MATR3: variants seen among roughly 807,000 people sequenced by gnomAD.
The protein encoded by MATR3 is matrin 3.
MATR3 carries 4 observed loss-of-function variants against 85.5 expected under a neutral mutation model. That is an observed-to-expected ratio of 0.05 (90% CI 0.02 to 0.11). MATR3 has a LOEUF of 0.11. Ranked by LOEUF, MATR3 falls within the 10% of genes least tolerant of loss-of-function variation. The pLI, the probability that MATR3 is intolerant of heterozygous loss-of-function variation, is 1.00. For missense variants in MATR3, 685 were observed against 1,016.1 expected (o/e 0.67, Z 4.43); for synonymous variants, 336 against 343.1 (o/e 0.98, Z 0.23).
intron 2 of MATR3, among the ~76,000 whole-genome samples, chr5:139,309,513 G>A (rs1485982871): frequency 6.6e-6 from 1 of 151,958 alleles, no homozygotes; most frequent in African/African-American, 2.4e-5. Context: ...TTCTGTTAAA[G>A]AGTATTACCA....
upstream of MATR3, among the ~76,000 whole-genome samples, chr5:139,290,470 A>G (rs11748667): frequency 0.74 from 54,255 of 73,338 alleles, 18,273 homozygotes; most frequent in Non-Finnish European, 0.79. Context: ...TTTTTTTAAC[A>G]GGGTCCTGCT....
chr5:139,321,677 G>C (rs1332876779), intron 9 of MATR3: 3 of 555,114 alleles, frequency 5.4e-6, no homozygotes, highest in Middle Eastern at 4.9e-4. Flanking sequence ...CTAGCTACTG[G>C]GGGGCTAAGG....
chr5:139,307,430 C>G lies in MATR3; in HGVS notation c.15C>G (p.Phe5Leu). 6.2e-7 allele frequency: 1 copy of G among 1,613,846 alleles called. No individual in the cohort carries two copies. Among genetic ancestry groups the G allele is most frequent in the Non-Finnish European group, 8.5e-7 (1 of 1,179,916 alleles). MSKS[F>L]QQSSLSRDSQ... Reference sequence around the variant, plus strand: ...CTAGTTCTACAATGTCCAAGTCATTCCAGCAGTCATCTCTCAGTAGGGACT... The same window carrying G: ...CTAGTTCTACAATGTCCAAGTCATTGCAGCAGTCATCTCTCAGTAGGGACT... Residue 5 changes from phenylalanine (F) to leucine (L), a missense_variant, in exon 2 of 15, where the codon TTC becomes TTG. By Grantham distance (22) the Phe-to-Leu change is conservative (BLOSUM62 0). This residue lies in a region of MATR3 where 30 missense variants were observed against 69.5 expected (regional missense o/e 0.43). Coordinates refer to ENST00000394805, the MANE Select transcript of MATR3 (RefSeq NM_018834.6). This position sits in a 1 kb window ranked among gnomAD's most constrained non-coding sequence, Gnocchi z 4.4.
Position 139,307,742 on chromosome 5 carries a change from T to A in MATR3, c.327T>A (p.Ser109Arg), listed in dbSNP as rs1486642633. 6.2e-7 allele frequency: 1 copy of A among 1,614,136 alleles called. No homozygotes were observed. The highest frequency in any genetic ancestry group is 1.1e-5 in the South Asian group (1 of 91,078). ...ACCGTGGAGATGCAGACCAGGCCAG[T>A]AACATTTTGGCCAGCTTTGGTCTGT... is the stretch of plus-strand genomic sequence containing the variant. ...SQHRGDADQA[S>R]NILASFGLSA... The change falls in exon 2 of 15, where the codon AGT (serine) becomes AGA (arginine). Residue 109 changes from serine to arginine, a missense_variant. This residue lies in a region of MATR3 where 57 missense variants were observed against 68.6 expected (regional missense o/e 0.83). Transcript: ENST00000394805. This position sits in a 1 kb window ranked among gnomAD's most constrained non-coding sequence, Gnocchi z 4.4.
intron 8 of MATR3, 85 bp downstream of exon 8, chr5:139,319,118 A>G: frequency 6.8e-7 from 1 of 1,475,110 alleles, no homozygotes; most frequent in East Asian, 2.4e-5. Flanking sequence ...AATTATTGCT[A>G]AGGCCAGGTG....
rs1185798723 is a variant in MATR3 at position 139,331,146 on chromosome 5, T to C, written c.*1751T>C. The C allele has an allele frequency of 2.2e-6, 1 of 454,136 alleles. No homozygotes were observed. The highest frequency in any genetic ancestry group is 2.3e-5 in the Admixed American group (1 of 42,580). The allele number at this position is 454,136 out of a possible 1,614,324, so 28.1% of individuals were successfully genotyped here. On this transcript the variant is annotated 3_prime_UTR_variant, in exon 15 of 15. Coordinates refer to ENST00000394805, the MANE Select transcript of MATR3 (RefSeq NM_018834.6). The stretch of plus-strand genomic sequence containing the variant: ...TACAAAAACAGGATAGGCATTGTCT[T>C]TCAAATGTTCAGACCCCAGTTTATT...
upstream of MATR3, among the ~76,000 whole-genome samples, chr5:139,292,669 C>G (rs1035179564): frequency 6.6e-6 from 1 of 152,204 alleles, no homozygotes; most frequent in Non-Finnish European, 1.5e-5. Context: ...GCACAGAATT[C>G]CTGATTTTAA....
At chr5:139,301,430 C>T (rs540022315) in intron 1 of MATR3, among the ~76,000 whole-genome samples, 13 of 152,210 alleles carry the variant, frequency 8.5e-5, no homozygotes, top group South Asian at 4.2e-4. Context: ...AGAGATTCTC[C>T]TGCCTCAGCC....
intron 1 of MATR3, among the ~76,000 whole-genome samples, chr5:139,296,511 A>C (rs1754160848): frequency 6.6e-6 from 1 of 152,218 alleles, no homozygotes; most frequent in African/African-American, 2.4e-5. Context: ...AAAATGAAAA[A>C]CATATTTTGT....
At chr5:139,289,677 CT>C (rs1753811659), upstream of MATR3, among the ~76,000 whole-genome samples, 1 of 152,234 alleles carries the variant, frequency 6.6e-6, no homozygotes, top group South Asian at 2.1e-4. Flanking sequence ...ATTATCCCAT[CT>C]CCTTGTCTTT....
intron 3 of MATR3, among the ~76,000 whole-genome samples, chr5:139,285,804 C>T (rs899744104): frequency 2.0e-5 from 3 of 152,022 alleles, no homozygotes; most frequent in Admixed American, 6.5e-5. Context: ...ATTCCACAGA[C>T]GTTTCAACAA....
At position 139,274,423 on chromosome 5, in the gene MATR3, T is replaced by C. The variant is rs1426623171; in HGVS notation, c.-287+262T>C. ...TCTCCCAGGGCCAGAGGCAGGGACT[T>C]TGGAAGGTTTGTGAGGAACAAATGT... On this transcript the variant is annotated intron_variant, in intron 1 of 16. Coordinates refer to ENST00000509990, the Ensembl canonical transcript of MATR3. 6 of 230,174 alleles carry C rather than the reference T, an allele frequency of 2.6e-5. No individual in the cohort carries two copies. In the East Asian group the frequency reaches 6.1e-4, roughly 23 times the overall value. 14.3% of individuals were successfully genotyped at this position (230,174 alleles called of 1,614,324 possible).
chr5:139,313,907 G>GT (rs984362666), intron 2 of MATR3: 24 of 142,668 alleles, frequency 1.7e-4, no homozygotes, highest in African/African-American at 5.9e-4. Flanking sequence ...TTTAGTTTTT[G>GT]TTTTTGTTTT....
rs751053269 is a variant in MATR3, at chr5:139,308,285, C to T, written c.870C>T (p.Pro290=). The T allele has an allele frequency of 6.2e-7, 1 of 1,614,058 alleles. No individual in the cohort carries two copies. Among genetic ancestry groups the T allele is most frequent in the Admixed American group, 1.7e-5 (1 of 60,000 alleles). ...DFHGLLPKGY[P]HLCSICDLPV... ...ATGGACTCTTACCGAAGGGTTATCCCCATCTGTGCTCTATATGTGATTTGC... is the reference window on the plus strand; with the variant it reads ...ATGGACTCTTACCGAAGGGTTATCCTCATCTGTGCTCTATATGTGATTTGC... The change falls in exon 2 of 15, where the codon CCC becomes CCT. Residue 290 remains proline, a synonymous_variant. Coordinates refer to ENST00000394805, the MANE Select transcript of MATR3 (RefSeq NM_018834.6).
At chr5:139,328,128 C>G (rs1453798774) in intron 14 of MATR3, among the ~76,000 whole-genome samples, 2 of 151,366 alleles carry the variant, frequency 1.3e-5, no homozygotes, top group Non-Finnish European at 2.9e-5. Flanking sequence ...TCCCAAAGTG[C>G]TGGGATTACA....
chr5:139,317,264 CTT>C (rs995471717), intron 6 of MATR3, among the ~76,000 whole-genome samples, 159 bp downstream of exon 6: 4 of 152,318 alleles, frequency 2.6e-5, no homozygotes, highest in Non-Finnish European at 5.9e-5. Context: ...ACAGTTAAAA[CTT>C]TAAATTTTGT....
intron 12 of MATR3, among the ~76,000 whole-genome samples, chr5:139,325,026 C>G (rs1255995070): frequency 6.6e-6 from 1 of 151,914 alleles, no homozygotes; most frequent in Non-Finnish European, 1.5e-5. Context: ...CCCGTCTCTA[C>G]TAAAATTACA....
chr5:139,308,886 C>A (rs573197275), intron 2 of MATR3, among the ~76,000 whole-genome samples: 1 of 152,286 alleles, frequency 6.6e-6, no homozygotes, highest in South Asian at 2.1e-4. Context: ...CACAAACTCT[C>A]ATACTATGAC....
chr5:139,275,017 C>T (rs1753216944), intron 1 of MATR3, among the ~76,000 whole-genome samples: 1 of 151,464 alleles, frequency 6.6e-6, no homozygotes, highest in African/African-American at 2.4e-5. Context: ...GCTCTGTTGC[C>T]CAGGCTGGAG....
Sources: allele counts gnomAD v4.1 joint callset (sites outside exome capture counted in the v4.1 genomes callset), GRCh38; gene constraint gnomAD v4.1.1; regional missense constraint gnomAD v4.1.1; non-coding constraint Gnocchi (gnomAD v3.1); transcripts MANE v1.5; gene names NCBI Gene and HGNC (gene_info 2026-07-23, HGNC 2026-07-21).